Variants in CRHR1 observed in about 807,000 individuals in gnomAD.
CRHR1 encodes the protein corticotropin releasing hormone receptor 1.
Under a neutral mutation model 56.0 loss-of-function variants are expected in CRHR1, and 28 were observed. The ratio of observed to expected loss-of-function variants is 0.50; its 90% CI spans 0.37 to 0.69. The LOEUF is 0.69. Among genes scored for constraint, CRHR1 ranks in the 30% least tolerant of loss-of-function variants. The pLI, the probability that CRHR1 is intolerant of heterozygous loss-of-function variation, is 0.00. For missense variants in CRHR1, 376 were observed against 548.0 expected (o/e 0.69, Z 3.13); for synonymous variants, 195 against 216.5 (o/e 0.90, Z 0.87).
intron 1 of CRHR1, among the ~76,000 whole-genome samples, chr17:45,788,779 A>C (rs2061378342): frequency 6.6e-6 from 1 of 152,216 alleles, no homozygotes; most frequent in Non-Finnish European, 1.5e-5. Context: ...TGAGCCTCAC[A>C]ATCCGTTGCA....
At chr17:45,793,047 A>G (rs946793772) in intron 1 of CRHR1, among the ~76,000 whole-genome samples, 37 of 152,314 alleles carry the variant, frequency 2.4e-4, no homozygotes, top group African/African-American at 5.5e-4. Flanking sequence ...CCACTCCCCA[A>G]TGAACGTCTG....
rs761112459 is a variant in CRHR1 at position 45,833,416 on chromosome 17, T to G, written c.844-36T>G. 2.4e-5 allele frequency: 39 copies of G among 1,607,956 alleles called. No individual in the cohort carries two copies. In the South Asian group the frequency reaches 4.1e-4, roughly 17 times the overall value. ...TGAGAAGCCTGGGTCCCAAGCCTCT[T>G]GCACACTCCGGCCCGCTGGTGTGCT... is the stretch of plus-strand genomic sequence containing the variant. On this transcript the variant is annotated intron_variant, in intron 9 of 12. Coordinates refer to ENST00000314537, the MANE Select transcript of CRHR1 (RefSeq NM_004382.5).
chr17:45,824,918 G>A (rs959489148), intron 4 of CRHR1, among the ~76,000 whole-genome samples: 6 of 151,844 alleles, frequency 4.0e-5, no homozygotes, highest in Admixed American at 1.3e-4. Flanking sequence ...GGAGTGACCC[G>A]CCCCACCCCC....
intron 2 of CRHR1, among the ~76,000 whole-genome samples, chr17:45,815,126 G>T (rs1014751905): frequency 6.6e-6 from 1 of 152,236 alleles, no homozygotes; most frequent in Non-Finnish European, 1.5e-5. Flanking sequence ...CTAAGGCCTC[G>T]GCCCAGGCCT....
In CRHR1 at chr17:45,821,413, C is replaced by T. The variant is rs113796058; in HGVS notation, c.300C>T (p.Ser100=). 7.1e-5 allele frequency: 115 copies of T among 1,613,078 alleles called. 1 individual carries two copies. The highest frequency in any genetic ancestry group is 1.6e-4 in the Middle Eastern group (1 of 6,084). ...GCTGGGCCGCCCGCGTGAATTACTCCGAGTGCCAGGAGATCCTCAATGAGG... is the reference window on the plus strand; with the variant it reads ...GCTGGGCCGCCCGCGTGAATTACTCTGAGTGCCAGGAGATCCTCAATGAGG... ...NGSWAARVNY[S]ECQEILNEEK... The change falls in exon 4 of 13, where the codon TCC becomes TCT. Residue 100 remains serine, a synonymous_variant. Transcript: ENST00000314537.
At chr17:45,801,164 G>A (rs1243388306) in intron 1 of CRHR1, among the ~76,000 whole-genome samples, 1 of 152,154 alleles carries the variant, frequency 6.6e-6, no homozygotes, top group African/African-American at 2.4e-5. Context: ...GGCCATGTCA[G>A]AACCTGGCCC....
At chr17:45,822,386 T>A (rs1343448377) in intron 4 of CRHR1, among the ~76,000 whole-genome samples, 3 of 152,158 alleles carry the variant, frequency 2.0e-5, no homozygotes, top group African/African-American at 7.2e-5. Context: ...TCCCACCCTG[T>A]CTCCTTTCCC....
At chr17:45,799,966 C>T in intron 1 of CRHR1, 1 of 153,798 alleles carries the variant, frequency 6.5e-6, no homozygotes, top group Non-Finnish European at 1.4e-5. Flanking sequence ...GGAAGGCCCT[C>T]TCCCTCCCTC....
At chr17:45,804,663 G>T (rs1414210475) in intron 1 of CRHR1, among the ~76,000 whole-genome samples, 1 of 151,986 alleles carries the variant, frequency 6.6e-6, no homozygotes, top group Non-Finnish European at 1.5e-5. Flanking sequence ...GAGTGGAGAG[G>T]AGTCCAGGGA....
At chr17:45,797,416 G>A (rs1330611325) in intron 1 of CRHR1, among the ~76,000 whole-genome samples, 4 of 147,532 alleles carry the variant, frequency 2.7e-5, no homozygotes, top group Non-Finnish European at 4.4e-5. Flanking sequence ...TCAGCCTCCC[G>A]AGGAGCTGGG....
intron 4 of CRHR1, among the ~76,000 whole-genome samples, chr17:45,822,726 C>T (rs1458451419): frequency 6.6e-6 from 1 of 152,052 alleles, no homozygotes; most frequent in Non-Finnish European, 1.5e-5. Flanking sequence ...GGGATTACAC[C>T]TGTAATCCCA....
chr17:45,822,291 C>G (rs62057117), intron 4 of CRHR1, among the ~76,000 whole-genome samples: 21,817 of 152,222 alleles, frequency 0.14, 2,129 homozygotes, highest in Middle Eastern at 0.22. Context: ...ATTACAAATG[C>G]TGCTGCAATG....
In CRHR1 at chr17:45,833,694, C is replaced by CA. The variant is rs1347483297; in HGVS notation, c.930-20_930-19insA. ...TGGGGTGGGCTGTGACTCCGAGCCT[C>CA]CCCACCCGCCCCACCCCAGGAAGGC... On this transcript the variant is annotated intron_variant, in intron 10 of 12. Transcript: ENST00000314537. The CA allele has an allele frequency of 1.7e-6, 1 of 581,964 alleles. No homozygotes were observed. Among genetic ancestry groups the CA allele is most frequent in the Admixed American group, 2.1e-5 (1 of 47,676 alleles). The allele number at this position is 581,964 out of a possible 1,614,324, so 36.1% of individuals were successfully genotyped here. A position where few individuals can be genotyped will look rare whatever the true frequency, so the allele number is the denominator to read the frequency against.
intron 3 of CRHR1, among the ~76,000 whole-genome samples, chr17:45,819,271 T>C (rs62057109): frequency 0.14 from 21,834 of 152,298 alleles, 2,141 homozygotes; most frequent in Middle Eastern, 0.22. Flanking sequence ...ATGTAGGAGC[T>C]GCTATTCAGA....
intron 10 of CRHR1, 21 bp from the exon 11 acceptor site, chr17:45,833,693 T>TGGGGGGGGGGGCCCCC: frequency 4.5e-6 from 7 of 1,571,606 alleles, no homozygotes; most frequent in Non-Finnish European, 6.1e-6. Context: ...ACTCCGAGCC[T>TGGGGGGGGGGGCCCCC]CCCCACCCGC....
chr17:45,832,040 G>C (rs1598450589), intron 8 of CRHR1, among the ~76,000 whole-genome samples: 1 of 151,764 alleles, frequency 6.6e-6, no homozygotes, highest in East Asian at 1.9e-4. Flanking sequence ...GGCTAACATG[G>C]TGAAACCCCG....
In CRHR1 at chr17:45,819,722, G is replaced by A. The variant is rs562840324; in HGVS notation, c.242-1633G>A. 3.9e-5 allele frequency among the ~76,000 whole-genome samples: 6 copies of A among 152,232 alleles called. No individual in the cohort carries two copies. In the South Asian group the frequency reaches 6.2e-4, roughly 16 times the overall value. On this transcript the variant is annotated intron_variant, in intron 3 of 12. Transcript: ENST00000314537. ...AGGGCCTGAGGCTCCCTGAGACTGC[G>A]GTCCACTGACATGGAAGAGCTTTAA...
chr17:45,828,393 G>A (rs1357175984), intron 4 of CRHR1, among the ~76,000 whole-genome samples: 1 of 152,172 alleles, frequency 6.6e-6, no homozygotes, highest in Non-Finnish European at 1.5e-5. Context: ...ATGCCTTTCC[G>A]GCTCCCCCCA....
rs866974400 is a variant in CRHR1 at position 45,784,733 on chromosome 17, A to G, written c.33+156A>G. ...GCTCCGGGGCAGCCTAACTCTCTGG[A>G]CCTTTGGAGCCAGGGTTGGGTAGGC... is the stretch of plus-strand genomic sequence containing the variant. On this transcript the variant is annotated intron_variant, in intron 1 of 12. Transcript: ENST00000314537. The surrounding 1 kb of genome is among the most constrained non-coding windows in gnomAD (Gnocchi z 4.2). Among the ~76,000 whole-genome samples the G allele has an allele frequency of 6.6e-5, 10 of 152,010 alleles. No individual in the cohort carries two copies. Among genetic ancestry groups the G allele is most frequent in the South Asian group, 2.1e-4 (1 of 4,826 alleles).
Sources: allele counts gnomAD v4.1 joint callset (sites outside exome capture counted in the v4.1 genomes callset), GRCh38; gene constraint gnomAD v4.1.1; non-coding constraint Gnocchi (gnomAD v3.1); transcripts MANE v1.5; gene names NCBI Gene and HGNC (gene_info 2026-07-23, HGNC 2026-07-21).